FHIT: variants seen among roughly 807,000 people sequenced by gnomAD.
The protein encoded by FHIT is bis(5'-adenosyl)-triphosphatase.
In FHIT, 19 loss-of-function variants were observed where a neutral mutation model predicts 17.9. The observed-to-expected ratio is 1.06, with a 90% CI of 0.74 to 1.56. FHIT has a LOEUF of 1.56. Ranked by LOEUF, FHIT falls within the 40% of genes most tolerant of loss-of-function variation. The pLI is 0.00. For missense variants in FHIT, 248 were observed against 189.2 expected (o/e 1.31, Z -1.82); for synonymous variants, 81 against 69.7 (o/e 1.16, Z -0.81).
At chr3:59,750,149 C>T (rs181298132) in intron 9 of FHIT, 24 of 226,848 alleles carry the variant, frequency 1.1e-4, no homozygotes, top group Admixed American at 5.7e-4. Flanking sequence ...CCAGGCAAGA[C>T]AGAAGCAAAA....
rs567586212 is a variant in FHIT at position 59,748,918 on chromosome 3, A to G, written c.*667T>C. ...GTTATCAATTCCAGGGCTGAGCCCT[A>G]TCATGTCTGCCTCTGTGCATGTTGA... On this transcript the variant is annotated 3_prime_UTR_variant, in exon 10 of 10. Transcript: ENST00000492590. Among the ~76,000 whole-genome samples the G allele has an allele frequency of 6.6e-6, 1 of 151,048 alleles. No homozygotes were observed. The highest frequency in any genetic ancestry group is 2.1e-4 in the South Asian group (1 of 4,824).
intron 3 of FHIT, among the ~76,000 whole-genome samples, chr3:60,908,612 G>A (rs1344597384): frequency 1.3e-5 from 2 of 151,630 alleles, no homozygotes; most frequent in African/African-American, 2.4e-5. Flanking sequence ...AGACAAAGGC[G>A]GTTGTACTAT....
intron 4 of FHIT, among the ~76,000 whole-genome samples, chr3:60,565,601 A>T (rs947753631): frequency 6.6e-6 from 1 of 152,222 alleles, no homozygotes; most frequent in African/African-American, 2.4e-5. Context: ...AAGCAAATAG[A>T]TAAAAGACCA....
chr3:60,970,999 C>A (rs989377400), intron 3 of FHIT, among the ~76,000 whole-genome samples: 6 of 152,144 alleles, frequency 3.9e-5, no homozygotes, highest in African/African-American at 1.4e-4. Context: ...ATGACTATTT[C>A]TGTATGTATA....
intron 5 of FHIT, among the ~76,000 whole-genome samples, chr3:60,146,986 T>A (rs1186920817): frequency 2.0e-5 from 3 of 152,236 alleles, no homozygotes; most frequent in Non-Finnish European, 2.9e-5. Context: ...GAAGTGCTAA[T>A]GCCATAAATC....
rs186369467 is a variant in FHIT, at chr3:60,351,191, C to T, written c.103+185669G>A. ...AAATTTGGAGTAATTTGTTATATAG[C>T]GACAGCAAACTAATACAAGGGGCCT... On this transcript the variant is annotated intron_variant, in intron 5 of 9. Transcript: ENST00000492590. Among the ~76,000 whole-genome samples the T allele has an allele frequency of 1.1e-4, 16 of 152,242 alleles. No individual in the cohort carries two copies. The East Asian group carries it at 2.3e-3, about 22-fold the overall frequency.
At chr3:60,778,111 G>A (rs145003660) in intron 4 of FHIT, among the ~76,000 whole-genome samples, 1 of 152,256 alleles carries the variant, frequency 6.6e-6, no homozygotes, top group East Asian at 1.9e-4. Context: ...GGTTATAGCT[G>A]GGTGAATAAT....
chr3:60,054,926 T>G (rs1702021375), intron 5 of FHIT, among the ~76,000 whole-genome samples: 1 of 152,138 alleles, frequency 6.6e-6, no homozygotes, highest in African/African-American at 2.4e-5. Flanking sequence ...CATTAAGAAA[T>G]TAATGAAGTG....
intron 3 of FHIT, among the ~76,000 whole-genome samples, chr3:60,967,589 G>C (rs1320660756): frequency 6.6e-6 from 1 of 152,200 alleles, no homozygotes; most frequent in Non-Finnish European, 1.5e-5. Context: ...TGCAAGTATA[G>C]GGGATTTCTG....
chr3:59,803,164 T>C (rs1241815530), intron 8 of FHIT, among the ~76,000 whole-genome samples: 1 of 152,032 alleles, frequency 6.6e-6, no homozygotes, highest in Non-Finnish European at 1.5e-5. Context: ...AAAACACATC[T>C]CCTTCCCTCC....
chr3:59,951,270 A>G (rs1215695822), intron 7 of FHIT, among the ~76,000 whole-genome samples: 5 of 151,510 alleles, frequency 3.3e-5, no homozygotes, highest in Admixed American at 6.6e-5. Flanking sequence ...GCATGGAAAT[A>G]ACACAGAAAT....
At chr3:60,594,849 G>A (rs1269085134) in intron 4 of FHIT, among the ~76,000 whole-genome samples, 1 of 152,028 alleles carries the variant, frequency 6.6e-6, no homozygotes, top group East Asian at 1.9e-4. Context: ...TCTCCATCCT[G>A]CAGCATCTTC....
At chr3:60,725,341 C>T (rs782344253) in intron 4 of FHIT, among the ~76,000 whole-genome samples, 11 of 152,056 alleles carry the variant, frequency 7.2e-5, no homozygotes, top group Non-Finnish European at 1.5e-4. Flanking sequence ...CTTTTGGCAC[C>T]GTAGCTAAGA....
chr3:60,681,692 T>C (rs1553696933), intron 4 of FHIT, among the ~76,000 whole-genome samples: 1 of 152,094 alleles, frequency 6.6e-6, no homozygotes, highest in Non-Finnish European at 1.5e-5. Context: ...AAAGTTTGAG[T>C]GGTCTGGATA....
At chr3:59,771,604 C>G (rs1470210374) in intron 8 of FHIT, among the ~76,000 whole-genome samples, 1 of 152,170 alleles carries the variant, frequency 6.6e-6, no homozygotes, top group African/African-American at 2.4e-5. Context: ...TAAAGGGCAG[C>G]TACTCCTTGG....
At chr3:60,015,036 T>C (rs1218096061) in intron 5 of FHIT, among the ~76,000 whole-genome samples, 1 of 151,260 alleles carries the variant, frequency 6.6e-6, no homozygotes. Flanking sequence ...ACACACTATA[T>C]ATATAAATAT....
At chr3:59,864,121 G>A (rs914497065) in intron 8 of FHIT, among the ~76,000 whole-genome samples, 2 of 151,860 alleles carry the variant, frequency 1.3e-5, no homozygotes, top group Non-Finnish European at 2.9e-5. Context: ...AAAAGGAAGA[G>A]ACATATACAC....
chr3:60,179,164 C>T (rs946611008), intron 5 of FHIT, among the ~76,000 whole-genome samples: 5 of 152,110 alleles, frequency 3.3e-5, no homozygotes, highest in African/African-American at 1.2e-4. Context: ...TTCCATTAGG[C>T]GCATTTCAGT....
At chr3:61,015,570 G>C (rs1348952589) in intron 3 of FHIT, among the ~76,000 whole-genome samples, 1 of 152,116 alleles carries the variant, frequency 6.6e-6, no homozygotes, top group East Asian at 1.9e-4. Flanking sequence ...CTTTCTGTTT[G>C]TTTGTTTTAA....
Sources: allele counts gnomAD v4.1 joint callset (sites outside exome capture counted in the v4.1 genomes callset), GRCh38; gene constraint gnomAD v4.1.1; transcripts MANE v1.5; gene names NCBI Gene and HGNC (gene_info 2026-07-23, HGNC 2026-07-21).